The following ZNF624 variants were observed in gnomAD, a reference collection of about 807,000 sequenced individuals.
The protein encoded by ZNF624 is zinc finger protein 624.
In ZNF624, 43 loss-of-function variants were observed where a neutral mutation model predicts 74.7. The observed-to-expected ratio is 0.58, with a 90% CI of 0.45 to 0.74. The LOEUF is 0.74. ZNF624 is among the 30% of genes least tolerant of loss of function. The pLI, the probability that ZNF624 is intolerant of heterozygous loss-of-function variation, is 0.00. For missense variants in ZNF624, 820 were observed against 1,030.0 expected, an observed-to-expected ratio of 0.80 and a Z score of 2.79; for synonymous variants, 331 against 341.3, an observed-to-expected ratio of 0.97 and a Z score of 0.33.
intron 5 of ZNF624, among the ~76,000 whole-genome samples, chr17:16,630,282 C>T (rs140726815): frequency 7.4e-4 from 113 of 152,020 alleles, no homozygotes; most frequent in East Asian, 3.5e-3. Flanking sequence ...AGAGGCTGTG[C>T]GTGGTGGCTA....
intron 5 of ZNF624, among the ~76,000 whole-genome samples, chr17:16,629,819 A>G (rs4791673): frequency 6.6e-6 from 1 of 152,038 alleles, no homozygotes; most frequent in African/African-American, 2.4e-5. Context: ...GCCTTGGCCT[A>G]CCAAAGTGCT....
chr17:16,632,146 TA>T (rs560848889), intron 5 of ZNF624, among the ~76,000 whole-genome samples: 194 of 152,318 alleles, frequency 1.3e-3, no homozygotes, highest in African/African-American at 4.5e-3. Flanking sequence ...GCAGCTATCA[TA>T]ATAGTGGCCT....
In ZNF624 at chr17:16,622,138, ATAT is replaced by A. The variant is rs1484392404; in HGVS notation, c.*147_*149del. The stretch of plus-strand genomic sequence containing the variant: ...GTTTCCTTATAACTTCTAAGATTTA[ATAT>A]TATTAAATGATTTCCCACATAATTG... On this transcript the variant is annotated 3_prime_UTR_variant, in exon 6 of 6. Transcript: ENST00000311331. The A allele has an allele frequency of 5.7e-6, 3 of 529,134 alleles. No homozygotes were observed. Among genetic ancestry groups the A allele is most frequent in the Non-Finnish European group, 9.2e-6 (3 of 325,546 alleles). The allele number at this position is 529,134 out of a possible 1,614,324, so 32.8% of individuals were successfully genotyped here. A position where few individuals can be genotyped will look rare whatever the true frequency, so the allele number is the denominator to read the frequency against.
intron 1 of ZNF624, among the ~76,000 whole-genome samples, chr17:16,650,896 T>C (rs62073702): frequency 0.051 from 7,821 of 152,198 alleles, 270 homozygotes; most frequent in Middle Eastern, 0.099. Flanking sequence ...TCAATAAACA[T>C]AGCAGAACTT....
the ZNF624 span, among the ~76,000 whole-genome samples, chr17:16,614,468 C>T: frequency 6.6e-6 from 1 of 152,004 alleles, no homozygotes; most frequent in African/African-American, 2.4e-5. Flanking sequence ...AAAGAATTTA[C>T]CAAAATGTAC....
At chr17:16,644,550 A>C (rs950646463) in intron 3 of ZNF624, among the ~76,000 whole-genome samples, 1 of 152,206 alleles carries the variant, frequency 6.6e-6, no homozygotes, top group Admixed American at 6.5e-5. Context: ...GATGCATACA[A>C]TGGAAACCAG....
At chr17:16,640,125 C>A (rs192563939) in intron 3 of ZNF624, among the ~76,000 whole-genome samples, 1 of 152,020 alleles carries the variant, frequency 6.6e-6, no homozygotes, top group Non-Finnish European at 1.5e-5. Context: ...AGTATAATAA[C>A]TGAAATAAAT....
rs778360838 is a variant in ZNF624, at chr17:16,649,752, G to T, written c.-2-6C>A. 7.4e-6 allele frequency: 12 copies of T among 1,611,552 alleles called. No homozygotes were observed. The African/African-American group carries it at 1.3e-4, about 18-fold the overall frequency. ...GGAGTCTTGCAAAGACATACCTAAG[G>T]AAGAGAAATAAGCCATGGAAACCAA... On this transcript the variant is annotated splice_polypyrimidine_tract_variant and splice_region_variant and intron_variant, in intron 1 of 5. Transcript: ENST00000311331.
chr17:16,617,143 C>T (rs1287166681), downstream of ZNF624: 6 of 1,612,982 alleles, frequency 3.7e-6, no homozygotes, highest in African/African-American at 1.3e-5. Flanking sequence ...CTTAGATTTG[C>T]TCTTTGATCT....
downstream of ZNF624, chr17:16,616,842 T>A (rs1908801680): frequency 8.6e-7 from 1 of 1,168,600 alleles, no homozygotes. Flanking sequence ...ACAAGAGAGT[T>A]CTGAGTTAAT....
chr17:16,617,257 C>T (rs1286647008), downstream of ZNF624: 1 of 1,613,180 alleles, frequency 6.2e-7, no homozygotes, highest in East Asian at 2.2e-5. Flanking sequence ...GCTGCTCCTG[C>T]GACTCCTACT....
downstream of ZNF624, among the ~76,000 whole-genome samples, chr17:16,615,956 C>CATAT (rs56321425): frequency 0.013 from 1,180 of 89,682 alleles, 31 homozygotes; most frequent in Non-Finnish European, 0.019. Context: ...ATTCCATATA[C>CATAT]ATATATATAT....
Position 16,621,048 on chromosome 17 carries a change from T to C in ZNF624, c.*1240A>G, listed in dbSNP as rs996302262. On this transcript the variant is annotated 3_prime_UTR_variant, in exon 6 of 6. Coordinates refer to ENST00000311331, the MANE Select transcript of ZNF624 (RefSeq NM_020787.4). ...ATCAATATTAACAGCCTGGTGTATA[T>C]TCTTCCATACCTGTCTCCATGTGCA... 2.0e-5 allele frequency: 3 copies of C among 152,214 alleles called. No individual in the cohort carries two copies. Among genetic ancestry groups the C allele is most frequent in the African/African-American group, 7.2e-5 (3 of 41,448 alleles). The allele number at this position is 152,214 out of a possible 1,614,324, so 9.4% of individuals were successfully genotyped here.
intron 3 of ZNF624, among the ~76,000 whole-genome samples, chr17:16,635,760 A>C (rs1370900307): frequency 6.6e-6 from 1 of 152,116 alleles, no homozygotes; most frequent in Non-Finnish European, 1.5e-5. Flanking sequence ...TTGATAACTA[A>C]TATATTTGGC....
chr17:16,622,376 T>A lies in ZNF624; in HGVS notation c.2510A>T (p.Lys837Ile). 1 of 1,613,806 alleles carries A rather than the reference T, an allele frequency of 6.2e-7. No individual in the cohort carries two copies. Among genetic ancestry groups the A allele is most frequent in the Non-Finnish European group, 8.5e-7 (1 of 1,179,858 alleles). ...LRMHTGEKPY[K>I]CNECGKAFRS... The stretch of plus-strand genomic sequence containing the variant: ...GAAGGCTTTTCCACATTCATTACAT[T>A]TATAGGGTTTTTCTCCAGTATGCAT... The change falls in exon 6 of 6, where the codon AAA becomes ATA. Residue 837 changes from lysine to isoleucine, a missense_variant. Lys to Ile is a moderately radical substitution (Grantham distance 102). Coordinates refer to ENST00000311331, the MANE Select transcript of ZNF624 (RefSeq NM_020787.4).
intron 1 of ZNF624, among the ~76,000 whole-genome samples, chr17:16,653,391 C>T (rs1434717424): frequency 1.3e-5 from 2 of 152,262 alleles, no homozygotes; most frequent in Non-Finnish European, 2.9e-5. Context: ...CTCCTCAGGG[C>T]CTGCAAGGCG....
At chr17:16,617,733 T>G, downstream of ZNF624, 1 of 1,603,426 alleles carries the variant, frequency 6.2e-7, no homozygotes. Flanking sequence ...GTAAAGGGCG[T>G]CGTCGGTGTC....
In ZNF624 at chr17:16,634,054, A is replaced by G. The variant is rs866872325; in HGVS notation, c.281-97T>C. 2.2e-5 allele frequency: 21 copies of G among 940,482 alleles called. 1 individual carries two copies. The Middle Eastern group carries it at 4.3e-3, about 194-fold the overall frequency. 58.3% of individuals were successfully genotyped at this position (940,482 alleles called of 1,614,324 possible). ...TCTTAATCTTCTGGGCAGAATGACCATTACAGGAAGTTCTAGAGCTGCACT... is the reference window on the plus strand; with the variant it reads ...TCTTAATCTTCTGGGCAGAATGACCGTTACAGGAAGTTCTAGAGCTGCACT... On this transcript the variant is annotated intron_variant, in intron 4 of 5. Coordinates refer to ENST00000311331, the MANE Select transcript of ZNF624 (RefSeq NM_020787.4).
At chr17:16,617,655 T>C, downstream of ZNF624, 1 of 1,606,618 alleles carries the variant, frequency 6.2e-7, no homozygotes, top group Non-Finnish European at 8.5e-7. Context: ...GCTGTCGCGA[T>C]TGCGACGCGG....
Sources: gnomAD v4.1 joint callset for allele counts (sites outside exome capture counted in the v4.1 genomes callset) on GRCh38, gnomAD v4.1.1 for gene constraint, MANE v1.5 for transcripts, NCBI Gene and HGNC (gene_info 2026-07-23, HGNC 2026-07-21) for gene names.